The following TAF15 variants were observed in gnomAD, a reference collection of about 807,000 sequenced individuals.
TAF15 encodes the protein TATA-binding protein-associated factor 2N.
TAF15 carries 37 observed loss-of-function variants against 102.5 expected under a neutral mutation model. The observed-to-expected ratio is 0.36, with a 90% confidence interval of 0.28 to 0.47. TAF15 has a LOEUF of 0.47. Ranked by LOEUF, TAF15 falls within the 20% of genes least tolerant of loss-of-function variation. The probability of loss-of-function intolerance (pLI) is 0.99; values close to 1 mark genes in which losing one functional copy is unlikely to be tolerated. For synonymous variants in TAF15, 273 were observed against 259.2 expected, an observed-to-expected ratio of 1.05 and a Z score of -0.51; for missense variants, 652 against 760.7, an observed-to-expected ratio of 0.86 and a Z score of 1.68.
chr17:35,820,294 A>C (rs1043461772), intron 4 of TAF15, 38 bp from the exon 5 acceptor site: 2 of 1,613,794 alleles, frequency 1.2e-6, no homozygotes, highest in Non-Finnish European at 1.7e-6. Flanking sequence ...TTGAAAAATC[A>C]GAGCCTTCAC....
At chr17:35,835,982 A>G in intron 9 of TAF15, 150 bp from the exon 10 acceptor site, 1 of 623,490 alleles carries the variant, frequency 1.6e-6, no homozygotes, top group South Asian at 1.9e-5. Flanking sequence ...AATACTTTGC[A>G]TGTTTATATA....
rs772800431 is a variant in TAF15, at chr17:35,844,598, C to T, written c.1299C>T (p.Ser433=). The change falls in exon 15 of 16, where the codon AGC becomes AGT. Residue 433 remains serine, a synonymous_variant. Transcript: ENST00000605844. ...SGGGYGGDRS[S]GGGYSGDRSG... ...GTGGCTATGGTGGAGACAGAAGCAGCGGTGGTGGCTACAGCGGAGATAGAA... is the reference window on the plus strand; with the variant it reads ...GTGGCTATGGTGGAGACAGAAGCAGTGGTGGTGGCTACAGCGGAGATAGAA... The T allele has an allele frequency of 9.4e-5, 143 of 1,526,332 alleles. No individual in the cohort carries two copies. The highest frequency in any genetic ancestry group is 1.7e-4 in the South Asian group (14 of 83,996). The allele number at this position is 1,526,332 out of a possible 1,614,324, so 94.5% of individuals were successfully genotyped here. A position where few individuals can be genotyped will look rare whatever the true frequency, so the allele number is the denominator to read the frequency against.
chr17:35,840,342 C>T (rs1435290808), intron 11 of TAF15, among the ~76,000 whole-genome samples: 1 of 149,388 alleles, frequency 6.7e-6, no homozygotes, highest in Non-Finnish European at 1.5e-5. Flanking sequence ...ACCTCCGCCT[C>T]CTGGGTTCAC....
chr17:35,839,851 A>G (rs1428821039), intron 11 of TAF15, among the ~76,000 whole-genome samples: 1 of 152,078 alleles, frequency 6.6e-6, no homozygotes, highest in African/African-American at 2.4e-5. Flanking sequence ...TTCATTTAAC[A>G]TTTAAAGGTA....
intron 7 of TAF15, among the ~76,000 whole-genome samples, chr17:35,826,590 C>T (rs1376726315): frequency 1.3e-5 from 2 of 148,544 alleles, no homozygotes; most frequent in Non-Finnish European, 3.0e-5. Context: ...TGGAGTCTCG[C>T]TCTGTTGCCC....
intron 10 of TAF15, among the ~76,000 whole-genome samples, chr17:35,837,518 T>C (rs1462536775): frequency 6.6e-6 from 1 of 151,892 alleles, no homozygotes; most frequent in Non-Finnish European, 1.5e-5. Flanking sequence ...CAAATCCCAG[T>C]GTAACGTTTT....
chr17:35,834,590 C>T lies in TAF15; in HGVS notation c.665C>T (p.Thr222Ile), dbSNP rs549951201. The T allele has an allele frequency of 6.2e-7, 1 of 1,613,002 alleles. No individual in the cohort carries two copies. The highest frequency in any genetic ancestry group is 2.2e-5 in the East Asian group (1 of 44,852). ...FGGHRDYGPRTDADSESDNSD... is the reference protein window; with the variant it reads ...FGGHRDYGPRIDADSESDNSD... Reference sequence around the variant, plus strand: ...GGTCACAGGGATTATGGACCCAGAACAGATGCTGGTAAGGTTTATGGTGGT... The same window carrying T: ...GGTCACAGGGATTATGGACCCAGAATAGATGCTGGTAAGGTTTATGGTGGT... The change falls in exon 9 of 16, where the codon ACA becomes ATA. Residue 222 changes from threonine (T) to isoleucine (I), a missense_variant. Physicochemically the swap from Thr to Ile is moderately conservative, Grantham distance 89. This residue lies in a region of TAF15 where 243 missense variants were observed against 284.1 expected (regional missense o/e 0.86). Transcript: ENST00000605844.
At chr17:35,809,710 C>T (rs933346510) in intron 1 of TAF15, 134 bp downstream of exon 1, 3 of 1,235,716 alleles carry the variant, frequency 2.4e-6, no homozygotes, top group South Asian at 2.5e-5. Context: ...GGGGCGGCCG[C>T]TGCCGCCGCC....
Position 35,826,877 on chromosome 17 carries a change from T to C in TAF15, c.605+2679T>C, listed in dbSNP as rs539051041. On this transcript the variant is annotated intron_variant, in intron 7 of 15. Transcript: ENST00000605844. ...CTGGCTGAAGTTCATATTATTTTTA[T>C]GTGTCATAACACATAAAATTATTTT... Among the ~76,000 whole-genome samples, 7 of 150,610 alleles carry C rather than the reference T, an allele frequency of 4.6e-5. No individual in the cohort carries two copies. In the South Asian group the frequency reaches 1.2e-3, roughly 27 times the overall value.
chr17:35,824,648 G>A (rs985937967), intron 7 of TAF15, among the ~76,000 whole-genome samples: 1 of 152,218 alleles, frequency 6.6e-6, no homozygotes, highest in Non-Finnish European at 1.5e-5. Flanking sequence ...GAGTAGAAAG[G>A]TGGGGATGGC....
Position 35,833,290 on chromosome 17 carries a change from T to TA in TAF15, c.606-616dup, listed in dbSNP as rs1315198711. 2.0e-4 allele frequency among the ~76,000 whole-genome samples: 31 copies of TA among 152,302 alleles called. 1 individual carries two copies. Among genetic ancestry groups the TA allele is most frequent in the Admixed American group, 2.0e-3 (31 of 15,288 alleles). On this transcript the variant is annotated intron_variant, in intron 7 of 15. Transcript: ENST00000605844. ...GTGAAGAGATGTAGTATAGTGGGTA[T>TA]AGAGTAGGAGGGCGGTTTTTAAGTG...
chr17:35,836,282 G>C (rs765749836), intron 10 of TAF15, 41 bp downstream of exon 10: 1 of 1,368,580 alleles, frequency 7.3e-7, no homozygotes, highest in Admixed American at 1.7e-5. Flanking sequence ...CATAATTAAT[G>C]TTCTGATTAC....
At chr17:35,846,440 GTTCTTATA>G in intron 15 of TAF15, among the ~76,000 whole-genome samples, 1 of 152,306 alleles carries the variant, frequency 6.6e-6, no homozygotes, top group East Asian at 1.9e-4. Flanking sequence ...ACTGTAAAGT[GTTCTTATA>G]TTCTTTAGTT....
chr17:35,826,987 G>A (rs886772779), intron 7 of TAF15, among the ~76,000 whole-genome samples: 1 of 151,700 alleles, frequency 6.6e-6, no homozygotes, highest in African/African-American at 2.4e-5. Flanking sequence ...TAGATGCCCT[G>A]TTTTAAGATT....
At chr17:35,831,346 G>A (rs993532812) in intron 7 of TAF15, among the ~76,000 whole-genome samples, 1 of 151,308 alleles carries the variant, frequency 6.6e-6, no homozygotes, top group East Asian at 1.9e-4. Context: ...GGCGGAGCTT[G>A]CAGTGAGCCG....
intron 12 of TAF15, among the ~76,000 whole-genome samples, chr17:35,842,825 C>T (rs755274808): frequency 2.0e-5 from 3 of 152,194 alleles, no homozygotes; most frequent in East Asian, 1.9e-4. Flanking sequence ...CTCCGCCTCC[C>T]GGGTTCAAGT....
chr17:35,814,229 A>C (rs561611055), intron 1 of TAF15, among the ~76,000 whole-genome samples: 55 of 151,618 alleles, frequency 3.6e-4, no homozygotes, highest in African/African-American at 1.3e-3. Context: ...GCAGTGGCGC[A>C]ATCTCGGCTC....
Position 35,844,854 on chromosome 17 carries a change from C to G in TAF15, c.1555C>G (p.Arg519Gly), listed in dbSNP as rs939246294. ...AGATCGAGGAGGTTATGGAGGAGAT[C>G]GAGGAGGCTATGGAGGAGACAGAAG... ...GGDRGGYGGD[R>G]GGYGGDRSRG... is the part of the protein sequence containing the mutation. Residue 519 changes from arginine (R) to glycine (G), a missense_variant, in exon 15 of 16, where the codon CGA becomes GGA. Arg to Gly is a moderately radical substitution (Grantham distance 125). This residue lies in a region of TAF15 where 368 missense variants were observed against 367.5 expected (regional missense o/e 1.00). Transcript: ENST00000605844. 1.3e-6 allele frequency: 2 copies of G among 1,597,202 alleles called. No homozygotes were observed. Among genetic ancestry groups the G allele is most frequent in the South Asian group, 1.1e-5 (1 of 90,316 alleles).
At chr17:35,831,297 C>G (rs1375388537) in intron 7 of TAF15, among the ~76,000 whole-genome samples, 2 of 151,742 alleles carry the variant, frequency 1.3e-5, no homozygotes, top group African/African-American at 4.8e-5. Flanking sequence ...GTCCCAGCTA[C>G]TCGGGAGGCT....
Sources: gnomAD v4.1 joint callset for allele counts (sites outside exome capture counted in the v4.1 genomes callset) on GRCh38, gnomAD v4.1.1 for gene constraint, gnomAD v4.1.1 regional missense constraint, MANE v1.5 for transcripts, NCBI Gene and HGNC (gene_info 2026-07-23, HGNC 2026-07-21) for gene names.